DOCK8: variants seen among roughly 807,000 people sequenced by gnomAD.
DOCK8 encodes dedicator of cytokinesis 8.
DOCK8 carries 141 observed loss-of-function variants against 245.6 expected under a neutral mutation model. That is an observed-to-expected ratio of 0.57 (90% CI 0.50 to 0.66). The LOEUF is 0.66. Ranked by LOEUF, DOCK8 falls within the 30% of genes least tolerant of loss-of-function variation. DOCK8 has a pLI of 0.00. For synonymous variants in DOCK8, 1,168 were observed against 970.2 expected, an observed-to-expected ratio of 1.20 and a Z score of -3.79; for missense variants, 2,965 against 2,603.4, an observed-to-expected ratio of 1.14 and a Z score of -3.02.
At chr9:245,206 T>C (rs1454501317) in intron 1 of DOCK8, among the ~76,000 whole-genome samples, 2 of 152,106 alleles carry the variant, frequency 1.3e-5, no homozygotes, top group Admixed American at 1.3e-4. Flanking sequence ...ATTTATTTAT[T>C]CATTTATTTA....
chr9:371,580 A>G lies in DOCK8; in HGVS notation c.2007+14A>G. On this transcript the variant is annotated intron_variant, in intron 17 of 47. Coordinates refer to ENST00000432829, the MANE Select transcript of DOCK8 (RefSeq NM_203447.4). The stretch of plus-strand genomic sequence containing the variant: ...CTGGGATATTCAGTGAGTTGTTTCC[A>G]GCCTGCTGACTCACACTGCAGTTGT... 6.2e-7 allele frequency: 1 copy of G among 1,614,156 alleles called. No homozygotes were observed. Among genetic ancestry groups the G allele is most frequent in the Non-Finnish European group, 8.5e-7 (1 of 1,180,000 alleles).
At chr9:445,003 G>C (rs1364002963) in intron 43 of DOCK8, among the ~76,000 whole-genome samples, 1 of 152,242 alleles carries the variant, frequency 6.6e-6, no homozygotes, top group Non-Finnish European at 1.5e-5. Context: ...ATATGAAGAA[G>C]ATAATGGAAG....
chr9:389,165 A>G (rs2054081166), intron 23 of DOCK8, among the ~76,000 whole-genome samples: 1 of 152,190 alleles, frequency 6.6e-6, no homozygotes, highest in Non-Finnish European at 1.5e-5. Context: ...AAGGTTTTCT[A>G]TTTTAGGACC....
chr9:415,006 C>G (rs1246003701), intron 29 of DOCK8, 55 bp downstream of exon 29: 8 of 1,601,074 alleles, frequency 5.0e-6, no homozygotes, highest in Middle Eastern at 2.2e-4. Context: ...GCCAAATGCC[C>G]CATCCGAATG....
rs1427949593 is a variant in DOCK8, at chr9:405,033, A to G, written c.3350A>G (p.Asp1117Gly). Residue 1117 changes from aspartate (D) to glycine (G), a missense_variant, in exon 27 of 48, where the codon GAT (aspartate) becomes GGT (glycine). Asp to Gly is a moderately conservative substitution (Grantham distance 94, BLOSUM62 -1). Transcript: ENST00000432829. ...LNLNLFFMNA[D>G]TAPTSPCPSI... Reference sequence around the variant, plus strand: ...CTGAACCTTTTTTTTATGAATGCTGATACTGCTCCAACATCTCCTTGTCCT... The same window carrying G: ...CTGAACCTTTTTTTTATGAATGCTGGTACTGCTCCAACATCTCCTTGTCCT... 2.5e-6 allele frequency: 4 copies of G among 1,613,966 alleles called. No homozygotes were observed. The highest frequency in any genetic ancestry group is 3.4e-6 in the Non-Finnish European group (4 of 1,179,942).
intron 30 of DOCK8, among the ~76,000 whole-genome samples, chr9:418,929 C>CT (rs1444255029): frequency 2.0e-5 from 3 of 151,360 alleles, no homozygotes; most frequent in Middle Eastern, 3.4e-3. Context: ...AGCGTAAGGG[C>CT]TTCTTAAACA....
chr9:371,315 A>G, intron 16 of DOCK8, 113 bp from the exon 17 acceptor site: 2 of 1,309,362 alleles, frequency 1.5e-6, no homozygotes, highest in Non-Finnish European at 2.2e-6. Context: ...ATGTAAAATG[A>G]AAAGCAAAAC....
rs1564011602 is a variant in DOCK8, at chr9:400,024, TC to T, written c.3234+767del. ...CACCACCTCCACCATCACCACCACC[TC>T]CACCATCACCACCACCACCTCCACC... On this transcript the variant is annotated intron_variant, in intron 26 of 47. Coordinates refer to ENST00000432829, the MANE Select transcript of DOCK8 (RefSeq NM_203447.4). Among the ~76,000 whole-genome samples the T allele has an allele frequency of 1.7e-3, 116 of 66,830 alleles. 1 individual carries two copies. The highest frequency in any genetic ancestry group is 8.2e-3 in the African/African-American group (109 of 13,300). The allele number at this position is 66,830 out of a possible 152,430, so 43.8% of individuals were successfully genotyped here. A position where few individuals can be genotyped will look rare whatever the true frequency, so the allele number is the denominator to read the frequency against.
intron 14 of DOCK8, among the ~76,000 whole-genome samples, chr9:350,635 G>T (rs1280038823): frequency 1.3e-5 from 2 of 152,172 alleles, no homozygotes; most frequent in Non-Finnish European, 2.9e-5. Context: ...TTGATTGATG[G>T]CTGCTTCCTC....
At chr9:316,962 C>T in intron 6 of DOCK8, 81 bp from the exon 7 acceptor site, 3 of 1,100,100 alleles carry the variant, frequency 2.7e-6, no homozygotes, top group Non-Finnish European at 4.2e-6. Flanking sequence ...TGGAGGGTAG[C>T]CTTCCCTTCC....
intron 15 of DOCK8, 69 bp downstream of exon 15, chr9:368,204 C>T: frequency 7.8e-7 from 1 of 1,280,758 alleles, no homozygotes; most frequent in Non-Finnish European, 1.1e-6. Context: ...TCACACAAGT[C>T]CGGGACTCAT....
intron 34 of DOCK8, 115 bp downstream of exon 34, chr9:427,096 TA>T (rs1564055523): frequency 2.3e-6 from 2 of 885,186 alleles, no homozygotes; most frequent in South Asian, 1.4e-5. Context: ...GTACCTTTTT[TA>T]AAAAAATGAA....
chr9:400,076 TCACCAC>T lies in DOCK8; in HGVS notation c.3234+822_3234+827del, dbSNP rs1216723859. Among the ~76,000 whole-genome samples the T allele has an allele frequency of 1.3e-3, 28 of 21,572 alleles. 1 individual carries two copies. The highest frequency in any genetic ancestry group is 5.6e-3 in the African/African-American group (20 of 3,560). The allele number at this position is 21,572 out of a possible 152,430, so 14.2% of individuals were successfully genotyped here. Reference sequence around the variant, plus strand: ...ATCACCACCTCCTTCACCATCACCATCACCACCACCTCCACCATCACCACCACCACC... The same window carrying T: ...ATCACCACCTCCTTCACCATCACCATCACCTCCACCATCACCACCACCACC... On this transcript the variant is annotated intron_variant, in intron 26 of 47. Transcript: ENST00000432829.
chr9:339,629 C>G (rs2051483251), intron 13 of DOCK8, among the ~76,000 whole-genome samples: 2 of 152,180 alleles, frequency 1.3e-5, no homozygotes, highest in Admixed American at 6.5e-5. Context: ...ATTCTCCTGC[C>G]TCAACCTCCC....
intron 1 of DOCK8, among the ~76,000 whole-genome samples, chr9:248,285 C>T (rs910927021): frequency 6.6e-6 from 1 of 152,252 alleles, no homozygotes; most frequent in African/African-American, 2.4e-5. Context: ...AACAGATTAA[C>T]ATCACCTTTA....
In DOCK8 at chr9:334,374, C is replaced by A. The variant is rs927287642; in HGVS notation, c.1275C>A (p.Asp425Glu). The A allele has an allele frequency of 1.9e-6, 3 of 1,612,816 alleles. No individual in the cohort carries two copies. In the African/African-American group the frequency reaches 4.0e-5, roughly 22 times the overall value. The change falls in exon 11 of 48, where the codon GAC becomes GAA. Residue 425 changes from aspartate to glutamate, a missense_variant. Asp to Glu is a conservative substitution (Grantham distance 45). Coordinates refer to ENST00000432829, the MANE Select transcript of DOCK8 (RefSeq NM_203447.4). Reference protein sequence around the residue: ...STLEREVTDVDSVVGRSSVGE... With the variant: ...STLEREVTDVESVVGRSSVGE... ...TTGAGAGGGAGGTAACTGATGTGGA[C>A]TCTGTGGTTGGTAAGATTTTCACCT...
intron 1 of DOCK8, among the ~76,000 whole-genome samples, chr9:223,332 A>G (rs617467): frequency 0.35 from 53,195 of 151,896 alleles, 9,613 homozygotes; most frequent in African/African-American, 0.43. Flanking sequence ...CATGCCAGCC[A>G]TTGAGGATTA....
intron 46 of DOCK8, among the ~76,000 whole-genome samples, chr9:458,880 C>T (rs1336992947): frequency 6.6e-6 from 1 of 152,106 alleles, no homozygotes; most frequent in South Asian, 2.1e-4. Flanking sequence ...CTGTAGGAGA[C>T]CTTAACTCTA....
intron 35 of DOCK8, among the ~76,000 whole-genome samples, chr9:429,054 G>T (rs2056607954): frequency 6.6e-6 from 1 of 152,208 alleles, no homozygotes; most frequent in Non-Finnish European, 1.5e-5. Context: ...TGCAGCCTCT[G>T]CGCCCTGGGC....
Sources: gnomAD v4.1 joint callset for allele counts (sites outside exome capture counted in the v4.1 genomes callset) on GRCh38, gnomAD v4.1.1 for gene constraint, MANE v1.5 for transcripts, NCBI Gene and HGNC (gene_info 2026-07-23, HGNC 2026-07-21) for gene names.